Variants in MORC3 observed in about 807,000 individuals in gnomAD.
MORC3 encodes the protein MORC family CW-type zinc finger protein 3.
A neutral mutation model predicts 109.1 loss-of-function variants in MORC3; 31 were observed. The observed-to-expected ratio is 0.28, with a 90% CI of 0.21 to 0.38. MORC3 has a LOEUF of 0.38. MORC3 is among the 10% of genes least tolerant of loss of function. The pLI is 1.00. For synonymous variants in MORC3, 395 were observed against 380.7 expected, an observed-to-expected ratio of 1.04 and a Z score of -0.44; for missense variants, 867 against 1,135.8, an observed-to-expected ratio of 0.76 and a Z score of 3.40.
intron 8 of MORC3, among the ~76,000 whole-genome samples, chr21:36,346,584 G>A (rs1312812403): frequency 1.3e-5 from 2 of 152,138 alleles, no homozygotes; most frequent in East Asian, 1.9e-4. Flanking sequence ...CTGGGCCGGG[G>A]GATTGCTTGA....
intron 5 of MORC3, 123 bp downstream of exon 5, chr21:36,339,044 A>G (rs563983416): frequency 9.0e-5 from 102 of 1,134,698 alleles, no homozygotes; most frequent in Middle Eastern, 2.1e-4. Context: ...TTTTTGGTGT[A>G]GTTACTGATT....
intron 1 of MORC3, among the ~76,000 whole-genome samples, chr21:36,321,755 G>T (rs768520198): frequency 2.0e-5 from 3 of 151,930 alleles, no homozygotes; most frequent in Non-Finnish European, 2.9e-5. Flanking sequence ...TCTCGAGGTT[G>T]AGTCTTGTTC....
At chr21:36,335,903 C>T (rs1055519315) in intron 2 of MORC3, among the ~76,000 whole-genome samples, 3 of 152,062 alleles carry the variant, frequency 2.0e-5, no homozygotes, top group Non-Finnish European at 2.9e-5. Context: ...CTACAATAGC[C>T]AGGTTAGTCT....
intron 9 of MORC3, among the ~76,000 whole-genome samples, chr21:36,352,568 G>A (rs957705720): frequency 6.6e-6 from 1 of 152,140 alleles, no homozygotes; most frequent in African/African-American, 2.4e-5. Context: ...GAAATCCAAG[G>A]TACTTTCATG....
chr21:36,367,365 A>G (rs1175862251), intron 14 of MORC3, among the ~76,000 whole-genome samples: 1 of 152,238 alleles, frequency 6.6e-6, no homozygotes, highest in African/African-American at 2.4e-5. Context: ...ACTCTTAGGT[A>G]TACGCAGATC....
chr21:36,353,062 T>C (rs2085592247), intron 9 of MORC3, among the ~76,000 whole-genome samples: 2 of 152,118 alleles, frequency 1.3e-5, no homozygotes, highest in South Asian at 4.1e-4. Context: ...GAAAAAATGT[T>C]ATTAGAAAAT....
intron 14 of MORC3, among the ~76,000 whole-genome samples, chr21:36,368,029 A>G (rs912015917): frequency 2.6e-5 from 4 of 152,150 alleles, no homozygotes; most frequent in Non-Finnish European, 4.4e-5. Flanking sequence ...GAGACAGTCC[A>G]AAAAAGAGGA....
intron 1 of MORC3, among the ~76,000 whole-genome samples, chr21:36,327,228 C>G (rs2085259169): frequency 7.3e-6 from 1 of 136,456 alleles, no homozygotes; most frequent in African/African-American, 2.9e-5. Context: ...GATCTCTCAG[C>G]TCACTGCAAC....
chr21:36,349,044 C>G (rs575464401), intron 8 of MORC3, among the ~76,000 whole-genome samples: 314 of 151,934 alleles, frequency 2.1e-3, no homozygotes, highest in African/African-American at 6.9e-3. Context: ...TCCAGCTACT[C>G]GGGAGGCTGA....
At chr21:36,320,640 C>T (rs1019335725) in intron 1 of MORC3, 5 of 266,198 alleles carry the variant, frequency 1.9e-5, no homozygotes, top group African/African-American at 2.2e-5. Context: ...GCCGCGGGGC[C>T]CCTGACCCTC....
At position 36,364,259 on chromosome 21, in the gene MORC3, G is replaced by A. The variant is rs2085753462; in HGVS notation, c.1619G>A (p.Ser540Asn). 6.2e-7 allele frequency: 1 copy of A among 1,612,972 alleles called. No homozygotes were observed. Among genetic ancestry groups the A allele is most frequent in the Non-Finnish European group, 8.5e-7 (1 of 1,179,686 alleles). The change falls in exon 14 of 17, where the codon AGC (serine) becomes AAC (asparagine). Residue 540 changes from serine to asparagine, a missense_variant and splice_region_variant. Ser to Asn is a conservative substitution (Grantham distance 46). Transcript: ENST00000400485. ...CCTCAGTCTGAACCTGAGAGCAACA[G>A]GTCAGTGGCTAAGATTGGTTTTCCA... ...VPPQSEPESNSLKRRLSTRSS... is the reference protein window; with the variant it reads ...VPPQSEPESNNLKRRLSTRSS...
At chr21:36,343,483 CTG>C (rs2085474664) in intron 6 of MORC3, among the ~76,000 whole-genome samples, 1 of 136,914 alleles carries the variant, frequency 7.3e-6, no homozygotes, top group African/African-American at 2.8e-5. Context: ...GAGTCTCACT[CTG>C]TTGCCTAGGC....
chr21:36,374,670 C>G (rs1451436608), intron 16 of MORC3, among the ~76,000 whole-genome samples: 2 of 152,122 alleles, frequency 1.3e-5, no homozygotes, highest in African/African-American at 4.8e-5. Flanking sequence ...TGGTGTGGGC[C>G]TGTGCTTCCA....
At position 36,369,896 on chromosome 21, in the gene MORC3, A is replaced by G. The variant is rs774610694; in HGVS notation, c.2508+20A>G. 5 of 1,601,972 alleles carry G rather than the reference A, an allele frequency of 3.1e-6. No homozygotes were observed. The East Asian group carries it at 6.7e-5, about 21-fold the overall frequency. On this transcript the variant is annotated intron_variant, in intron 15 of 16. Coordinates refer to ENST00000400485, the MANE Select transcript of MORC3 (RefSeq NM_015358.3). The stretch of plus-strand genomic sequence containing the variant: ...AGTGAGGTGAGTTATATCATCCAAC[A>G]TGTAGTCATGGAGTCCAGGGCCATT...
chr21:36,320,475 T>C, intron 1 of MORC3, 172 bp downstream of exon 1: 1 of 566,580 alleles, frequency 1.8e-6, no homozygotes, highest in South Asian at 7.3e-5. Context: ...ACAGCTCGGC[T>C]GCGGGCCGGG....
chr21:36,375,328 C>T lies in MORC3; in HGVS notation c.*32C>T, dbSNP rs1251119700. 3.8e-6 allele frequency: 6 copies of T among 1,570,390 alleles called. No individual in the cohort carries two copies. The African/African-American group carries it at 6.8e-5, about 18-fold the overall frequency. ...TGTTATGTAAGATAAAATATTTGCT[C>T]AATTCTTTTGGTTGTACAGCTTTCA... is the stretch of plus-strand genomic sequence containing the variant. On this transcript the variant is annotated 3_prime_UTR_variant, in exon 17 of 17. Coordinates refer to ENST00000400485, the MANE Select transcript of MORC3 (RefSeq NM_015358.3).
Position 36,375,277 on chromosome 21 carries a change from G to A in MORC3, c.2801G>A (p.Ser934Asn). 2.5e-6 allele frequency: 4 copies of A among 1,612,648 alleles called. No individual in the cohort carries two copies. Among genetic ancestry groups the A allele is most frequent in the Non-Finnish European group, 3.4e-6 (4 of 1,179,006 alleles). Residue 934 changes from serine (S) to asparagine (N), a missense_variant, in exon 17 of 17, where the codon AGT becomes AAT. This residue lies in a region of MORC3 where 34 missense variants were observed against 35.2 expected (regional missense o/e 0.97). Transcript: ENST00000400485. ...TTAGGACAAGTTGTTGAACAAATGA[G>A]TGAAATCAGTAGTACTTAAAGTATA... ...EILGQVVEQM[S>N]EISST
rs749425424 is a variant in MORC3 at position 36,369,149 on chromosome 21, T to C, written c.1781T>C (p.Ile594Thr). The part of the protein sequence containing the change: ...STPKPAVDHD[I>T]DMKSEQSHVE... Reference sequence around the variant, plus strand: ...CCCAAACCTGCAGTAGATCATGATATTGACATGAAATCAGAACAGAGTCAC... The same window carrying C: ...CCCAAACCTGCAGTAGATCATGATACTGACATGAAATCAGAACAGAGTCAC... The change falls in exon 15 of 17, where the codon ATT becomes ACT. Residue 594 changes from isoleucine (I) to threonine (T), a missense_variant. Coordinates refer to ENST00000400485, the MANE Select transcript of MORC3 (RefSeq NM_015358.3). 67 of 1,613,956 alleles carry C rather than the reference T, an allele frequency of 4.2e-5. No homozygotes were observed. The highest frequency in any genetic ancestry group is 8.3e-5 in the Admixed American group (5 of 59,972).
chr21:36,350,534 C>G (rs1482325066), intron 9 of MORC3, among the ~76,000 whole-genome samples: 1 of 116,588 alleles, frequency 8.6e-6, no homozygotes, highest in South Asian at 3.6e-4. Context: ...ACAGAAGACA[C>G]CCTGCCTCAA....
Sources: gnomAD v4.1 joint callset for allele counts (sites outside exome capture counted in the v4.1 genomes callset) on GRCh38, gnomAD v4.1.1 for gene constraint, gnomAD v4.1.1 regional missense constraint, MANE v1.5 for transcripts, NCBI Gene and HGNC (gene_info 2026-07-23, HGNC 2026-07-21) for gene names.